Variants in PSMD1 observed in about 807,000 individuals in gnomAD.
PSMD1 encodes 26S proteasome non-ATPase regulatory subunit 1.
PSMD1 carries 18 observed loss-of-function variants against 119.0 expected under a neutral mutation model. That is an observed-to-expected ratio of 0.15 (90% CI 0.10 to 0.22). The LOEUF is 0.22. Among genes scored for constraint, PSMD1 ranks in the 10% least tolerant of loss-of-function variants. PSMD1 has a pLI of 1.00. For missense variants in PSMD1, 702 were observed against 1,158.5 expected (o/e 0.61, Z 5.72); for synonymous variants, 374 against 396.6 (o/e 0.94, Z 0.68).
intron 19 of PSMD1, among the ~76,000 whole-genome samples, chr2:231,157,339 A>G (rs1178466490): frequency 1.3e-5 from 2 of 151,186 alleles, no homozygotes; most frequent in East Asian, 1.9e-4. Context: ...GGATAATTCT[A>G]TGTTTCGCCT....
At chr2:231,093,975 A>G (rs1015756412) in intron 16 of PSMD1, among the ~76,000 whole-genome samples, 4 of 152,296 alleles carry the variant, frequency 2.6e-5, no homozygotes, top group East Asian at 1.9e-4. Flanking sequence ...GTTTAATAAT[A>G]TATTGGGTGG....
intron 21 of PSMD1, among the ~76,000 whole-genome samples, chr2:231,164,050 T>C (rs1469113583): frequency 2.0e-5 from 3 of 152,198 alleles, no homozygotes; most frequent in Admixed American, 6.5e-5. Flanking sequence ...TTTTTAAAAC[T>C]TTCAATGTAT....
intron 16 of PSMD1, among the ~76,000 whole-genome samples, chr2:231,098,207 G>A (rs543039818): frequency 6.6e-6 from 1 of 152,370 alleles, no homozygotes; most frequent in South Asian, 2.1e-4. Flanking sequence ...GCTACAGGTT[G>A]TAAGTGGCTT....
chr2:231,066,012 A>G (rs912633612), intron 4 of PSMD1, among the ~76,000 whole-genome samples: 3 of 152,242 alleles, frequency 2.0e-5, no homozygotes, highest in African/African-American at 4.8e-5. Flanking sequence ...ATAGTATTCA[A>G]TACACTAATA....
chr2:231,137,075 AAT>A (rs1232703302), intron 16 of PSMD1, among the ~76,000 whole-genome samples: 1 of 145,284 alleles, frequency 6.9e-6, no homozygotes, highest in African/African-American at 2.5e-5. Flanking sequence ...TTTTATGTAT[AAT>A]ATATATTTAT....
At chr2:231,061,962 G>A (rs1196447805) in intron 2 of PSMD1, among the ~76,000 whole-genome samples, 1 of 152,088 alleles carries the variant, frequency 6.6e-6, no homozygotes. Context: ...ATGAAAATTT[G>A]GAATGTCCTT....
intron 16 of PSMD1, among the ~76,000 whole-genome samples, chr2:231,090,414 C>G (rs1338355080): frequency 6.6e-6 from 1 of 152,130 alleles, no homozygotes; most frequent in Non-Finnish European, 1.5e-5. Context: ...CAAAAATTAG[C>G]TGGACATGGT....
intron 21 of PSMD1, 113 bp downstream of exon 21, chr2:231,163,840 A>G (rs1176986073): frequency 4.1e-6 from 3 of 737,506 alleles, no homozygotes; most frequent in East Asian, 5.4e-5. Context: ...TCTTATGCTA[A>G]CATTTGACAT....
At position 231,161,444 on chromosome 2, in the gene PSMD1, CT is replaced by C. The variant is rs1162900011; in HGVS notation, c.2326del (p.Ser776HisfsTer20). 1 of 1,614,090 alleles carries C rather than the reference CT, an allele frequency of 6.2e-7. No homozygotes were observed. Among genetic ancestry groups the C allele is most frequent in the African/African-American group, 1.3e-5 (1 of 75,008 alleles). On this transcript the variant is annotated frameshift_variant, in exon 20 of 25. Coordinates refer to ENST00000308696, the MANE Select transcript of PSMD1 (RefSeq NM_002807.4). LOFTEE classifies it high-confidence loss of function. ...TACCCAGTTTTGGTTCTGGTTTCCTCTTTCACACTTCCTGTCATTGGCTTAT... is the reference window on the plus strand; with the variant it reads ...TACCCAGTTTTGGTTCTGGTTTCCTCTTCACACTTCCTGTCATTGGCTTAT... Reference protein sequence around the residue: ...VFTQFWFWFPLSHFLSLAYTP... With the variant: ...VFTQFWFWFPXSHFLSLAYTP...
intron 16 of PSMD1, among the ~76,000 whole-genome samples, chr2:231,091,081 G>T (rs1001551229): frequency 2.6e-5 from 4 of 152,168 alleles, no homozygotes; most frequent in African/African-American, 9.7e-5. Context: ...GAGTGGGCTA[G>T]GGGGCTGCTG....
intron 16 of PSMD1, among the ~76,000 whole-genome samples, chr2:231,107,433 A>C (rs1407944788): frequency 6.6e-6 from 1 of 152,184 alleles, no homozygotes; most frequent in East Asian, 1.9e-4. Context: ...CCTTAGTCTA[A>C]ATTTGCACTT....
At chr2:231,150,130 G>A (rs113688764) in intron 18 of PSMD1, among the ~76,000 whole-genome samples, 12 of 152,208 alleles carry the variant, frequency 7.9e-5, no homozygotes, top group Admixed American at 1.3e-4. Flanking sequence ...TGGATCACGC[G>A]GTCAGGAGTT....
chr2:231,067,229 A>T (rs1444277823), intron 5 of PSMD1, 118 bp downstream of exon 5: 1 of 717,424 alleles, frequency 1.4e-6, no homozygotes, highest in African/African-American at 1.8e-5. Context: ...ATAGCAGGTG[A>T]TCTTTTGCCA....
chr2:231,134,285 A>G (rs1039562927), intron 16 of PSMD1, among the ~76,000 whole-genome samples: 2 of 152,162 alleles, frequency 1.3e-5, no homozygotes, highest in African/African-American at 4.8e-5. Context: ...TCGACTCCCA[A>G]AATTCTGTGT....
At chr2:231,061,160 C>T (rs537614379) in intron 1 of PSMD1, 107 bp from the exon 2 acceptor site, 34 of 722,522 alleles carry the variant, frequency 4.7e-5, no homozygotes, top group African/African-American at 1.4e-4. Context: ...GGAGAAGTTA[C>T]GCCTCAAAAA....
At position 231,062,637 on chromosome 2, in the gene PSMD1, A is replaced by G. The variant is rs201791497; in HGVS notation, c.266A>G (p.Asn89Ser). ...NYALGAGDLF[N>S]VNDNSEYVET... ...GCTCTTGGAGCAGGGGACCTCTTCAATGTCAATGATAACTCTGAATATGTG... is the reference window on the plus strand; with the variant it reads ...GCTCTTGGAGCAGGGGACCTCTTCAGTGTCAATGATAACTCTGAATATGTG... The change falls in exon 4 of 25, where the codon AAT becomes AGT. Residue 89 changes from asparagine (N) to serine (S), a missense_variant. Asn to Ser is a conservative substitution (Grantham distance 46). Coordinates refer to ENST00000308696, the MANE Select transcript of PSMD1 (RefSeq NM_002807.4). The G allele has an allele frequency of 2.5e-4, 397 of 1,612,078 alleles. No homozygotes were observed. The highest frequency in any genetic ancestry group is 3.2e-4 in the Non-Finnish European group (380 of 1,179,312).
At chr2:231,102,020 G>T (rs1244561871) in intron 16 of PSMD1, among the ~76,000 whole-genome samples, 4 of 152,140 alleles carry the variant, frequency 2.6e-5, no homozygotes, top group African/African-American at 9.7e-5. Flanking sequence ...GTGTCTCACT[G>T]TGTTGCCCAG....
intron 14 of PSMD1, among the ~76,000 whole-genome samples, chr2:231,084,370 A>T (rs916381888): frequency 4.3e-4 from 66 of 151,938 alleles, no homozygotes; most frequent in Non-Finnish European, 7.2e-4. Context: ...ATATATATAT[A>T]TTTTTGGAAT....
At chr2:231,165,502 C>T (rs1464794462) in intron 22 of PSMD1, among the ~76,000 whole-genome samples, 1 of 152,044 alleles carries the variant, frequency 6.6e-6, no homozygotes, top group Non-Finnish European at 1.5e-5. Context: ...GTAAAAAGTT[C>T]CTGGAGCAAA....
Sources: allele counts gnomAD v4.1 joint callset (sites outside exome capture counted in the v4.1 genomes callset), GRCh38; gene constraint gnomAD v4.1.1; transcripts MANE v1.5; gene names NCBI Gene and HGNC (gene_info 2026-07-23, HGNC 2026-07-21).